The following RORA variants were observed in gnomAD, a reference collection of about 807,000 sequenced individuals.
RORA encodes nuclear receptor ROR-alpha.
Under a neutral mutation model 69.5 loss-of-function variants are expected in RORA, and 7 were observed. The observed-to-expected ratio is 0.10, with a 90% CI of 0.06 to 0.19. RORA has a LOEUF of 0.19. Among genes scored for constraint, RORA ranks in the 10% least tolerant of loss-of-function variants. The pLI is 1.00. For synonymous variants in RORA, 261 were observed against 240.8 expected (o/e 1.08, Z -0.78); for missense variants, 457 against 663.0 (o/e 0.69, Z 3.41).
intron 2 of RORA, among the ~76,000 whole-genome samples, chr15:60,641,357 G>T (rs976546155): frequency 5.3e-5 from 8 of 152,118 alleles, no homozygotes; most frequent in Admixed American, 2.0e-4. Flanking sequence ...CGTATAATGG[G>T]ATAAAAATAT....
chr15:61,156,507 C>T (rs978640931), intron 1 of RORA, among the ~76,000 whole-genome samples: 1 of 152,138 alleles, frequency 6.6e-6, no homozygotes, highest in Non-Finnish European at 1.5e-5. Flanking sequence ...CATTACCTTC[C>T]CCAGAGACCT....
intron 2 of RORA, among the ~76,000 whole-genome samples, chr15:60,604,703 A>C (rs1179211746): frequency 1.3e-5 from 2 of 152,224 alleles, no homozygotes; most frequent in Non-Finnish European, 2.9e-5. Context: ...TGTATGGAAG[A>C]AAAAGCACTG....
intron 2 of RORA, among the ~76,000 whole-genome samples, chr15:60,579,242 A>G (rs1394722205): frequency 1.3e-5 from 2 of 152,230 alleles, no homozygotes; most frequent in South Asian, 4.2e-4. Context: ...ACAATGCCTC[A>G]GTATTGTTAT....
intron 2 of RORA, among the ~76,000 whole-genome samples, chr15:60,669,109 C>G (rs1567148608): frequency 6.6e-6 from 1 of 151,976 alleles, no homozygotes; most frequent in African/African-American, 2.4e-5. Context: ...ATTAGCAGCT[C>G]GAATGAAAGA....
At chr15:60,612,661 G>GTTTTTTTTTTTTTTTTTTT (rs71122864) in intron 2 of RORA, among the ~76,000 whole-genome samples, 2 of 107,166 alleles carry the variant, frequency 1.9e-5, no homozygotes, top group Non-Finnish European at 1.9e-5. Flanking sequence ...CTCTCTCTCT[G>GTTTTTTTTTTTTTTTTTTT]TTTTTTTTTT....
At chr15:60,593,272 A>G (rs1044500537) in intron 2 of RORA, 5 of 165,856 alleles carry the variant, frequency 3.0e-5, no homozygotes, top group African/African-American at 1.2e-4. Flanking sequence ...CCTGCAAGGA[A>G]AGCCGGAAAT....
At chr15:60,789,752 C>T (rs901194591) in intron 1 of RORA, among the ~76,000 whole-genome samples, 5 of 152,110 alleles carry the variant, frequency 3.3e-5, no homozygotes, top group Admixed American at 6.5e-5. Context: ...TAGGAGAGGC[C>T]GGTGCAAATG....
rs2065072688 is a variant in RORA, at chr15:60,492,965, T to A, written c.*4490A>T. ...TTTGTCCCAGTAGTACTGGCCACCCTGTTTTAAGAGTTTTAGGAGATCCCT... is the reference window on the plus strand; with the variant it reads ...TTTGTCCCAGTAGTACTGGCCACCCAGTTTTAAGAGTTTTAGGAGATCCCT... On this transcript the variant is annotated 3_prime_UTR_variant, in exon 11 of 11. Transcript: ENST00000335670. 6.6e-6 allele frequency: 1 copy of A among 152,144 alleles called. No homozygotes were observed. The highest frequency in any genetic ancestry group is 2.1e-4 in the South Asian group (1 of 4,836). The allele number at this position is 152,144 out of a possible 1,614,324, so 9.4% of individuals were successfully genotyped here.
intron 1 of RORA, among the ~76,000 whole-genome samples, chr15:61,031,579 T>C (rs1185613251): frequency 6.6e-6 from 1 of 152,104 alleles, no homozygotes; most frequent in African/African-American, 2.4e-5. Context: ...AATTGGTGGT[T>C]GGGGGAGGAT....
At chr15:60,617,222 G>A (rs1567126496) in intron 2 of RORA, among the ~76,000 whole-genome samples, 2 of 152,188 alleles carry the variant, frequency 1.3e-5, no homozygotes, top group Non-Finnish European at 2.9e-5. Flanking sequence ...CTGGTATACA[G>A]TAGGTGCCAT....
chr15:60,702,078 G>A (rs1201335531), intron 1 of RORA, among the ~76,000 whole-genome samples: 1 of 152,212 alleles, frequency 6.6e-6, no homozygotes, highest in African/African-American at 2.4e-5. Flanking sequence ...TGAGAGCACA[G>A]GCAGATGATG....
At chr15:60,551,678 T>C (rs1179724636) in intron 2 of RORA, among the ~76,000 whole-genome samples, 1 of 152,262 alleles carries the variant, frequency 6.6e-6, no homozygotes, top group Non-Finnish European at 1.5e-5. Context: ...TTTTGTTTAG[T>C]GTACTCTAAA....
At position 61,170,877 on chromosome 15, in the gene RORA, C is replaced by T. The variant is rs75533589; in HGVS notation, c.166+58176G>A. On this transcript the variant is annotated intron_variant, in intron 1 of 10. Transcript: ENST00000335670. ...GACACATCCTTTTACAGTTTCATAT[C>T]CTCACTCTTCGTTTTAAAAACAAAT... 2.9e-3 allele frequency among the ~76,000 whole-genome samples: 441 copies of T among 152,256 alleles called. 3 individuals are homozygous for T. Among genetic ancestry groups the T allele is most frequent in the African/African-American group, 1.0e-2 (414 of 41,528 alleles).
chr15:61,094,543 TC>T (rs2078761111), intron 1 of RORA, among the ~76,000 whole-genome samples: 1 of 152,134 alleles, frequency 6.6e-6, no homozygotes, highest in Non-Finnish European at 1.5e-5. Context: ...TCAGCATTGG[TC>T]CCACTTCTCT....
chr15:60,505,420 T>G, intron 6 of RORA, 88 bp downstream of exon 6: 1 of 1,252,876 alleles, frequency 8.0e-7, no homozygotes, highest in South Asian at 1.3e-5. Context: ...CATTCTTTAG[T>G]CTGTGTGAAC....
At chr15:60,714,661 G>A (rs2071196536) in intron 1 of RORA, among the ~76,000 whole-genome samples, 1 of 152,118 alleles carries the variant, frequency 6.6e-6, no homozygotes, top group Non-Finnish European at 1.5e-5. Flanking sequence ...CACCGTGCCT[G>A]GTCAATTATC....
At chr15:61,040,667 C>T (rs756341807) in intron 1 of RORA, among the ~76,000 whole-genome samples, 32 of 152,038 alleles carry the variant, frequency 2.1e-4, no homozygotes, top group African/African-American at 3.4e-4. Flanking sequence ...ATCCCCTGAA[C>T]GTGTCACAGT....
chr15:60,658,758 G>A (rs905520602), intron 2 of RORA, among the ~76,000 whole-genome samples: 3 of 152,204 alleles, frequency 2.0e-5, no homozygotes, highest in African/African-American at 7.2e-5. Context: ...TGCTTAAAGA[G>A]CTTTGGCCAC....
chr15:61,219,260 G>T (rs1402505593), intron 1 of RORA, among the ~76,000 whole-genome samples: 1 of 152,202 alleles, frequency 6.6e-6, no homozygotes, highest in Non-Finnish European at 1.5e-5. Flanking sequence ...CCTAATGCTA[G>T]ATCAACTTGC....
Sources: allele counts gnomAD v4.1 joint callset (sites outside exome capture counted in the v4.1 genomes callset), GRCh38; gene constraint gnomAD v4.1.1; transcripts MANE v1.5; gene names NCBI Gene and HGNC (gene_info 2026-07-23, HGNC 2026-07-21).